The following CYP4F22 variants were observed in gnomAD, a reference collection of about 807,000 sequenced individuals.
CYP4F22 encodes ultra-long-chain fatty acid omega-hydroxylase.
CYP4F22 carries 37 observed loss-of-function variants against 60.4 expected under a neutral mutation model. That is an observed-to-expected ratio of 0.61 (90% CI 0.47 to 0.81). The LOEUF (loss-of-function observed/expected upper bound fraction) is 0.81. Ranked by LOEUF, CYP4F22 falls within the 30% of genes least tolerant of loss-of-function variation. The pLI is 0.00. For missense variants in CYP4F22, 655 were observed against 715.0 expected (o/e 0.92, Z 0.96); for synonymous variants, 258 against 280.5 (o/e 0.92, Z 0.80).
chr19:15,522,187 C>A (rs992824272), intron 1 of CYP4F22, among the ~76,000 whole-genome samples: 36 of 151,044 alleles, frequency 2.4e-4, no homozygotes, highest in African/African-American at 8.0e-4. Flanking sequence ...TATGGTTTTC[C>A]CCAGTGCACA....
At chr19:15,529,632 A>G in intron 3 of CYP4F22, 77 bp from the exon 4 acceptor site, 9 of 1,586,410 alleles carry the variant, frequency 5.7e-6, no homozygotes, top group Non-Finnish European at 7.7e-6. Flanking sequence ...TTGAGACTAC[A>G]GGAGGTGGCA....
intron 7 of CYP4F22, 84 bp from the exon 8 acceptor site, chr19:15,540,366 G>A: frequency 6.5e-7 from 1 of 1,535,354 alleles, no homozygotes; most frequent in Non-Finnish European, 9.0e-7. Context: ...ATTCAATGGG[G>A]ACAGGAGGCT....
chr19:15,548,201 G>C lies in CYP4F22; in HGVS notation c.1230G>C (p.Thr410=), dbSNP rs769211003. 2.5e-6 allele frequency: 4 copies of C among 1,614,104 alleles called. No individual in the cohort carries two copies. ...TCACTCTTGTCTCTCGCCAATGCAC[G>C]GAGGACATCAAGCTCCCAGATGGGC... is the stretch of plus-strand genomic sequence containing the variant. ...PPVTLVSRQC[T]EDIKLPDGRI... The change falls in exon 11 of 14, where the codon ACG becomes ACC. Residue 410 remains threonine, a synonymous_variant. Coordinates refer to ENST00000269703, the MANE Select transcript of CYP4F22 (RefSeq NM_173483.4).
chr19:15,527,475 A>G (rs543656152), intron 3 of CYP4F22, among the ~76,000 whole-genome samples: 1 of 152,168 alleles, frequency 6.6e-6, no homozygotes, highest in South Asian at 2.1e-4. Flanking sequence ...CTCATTTTTC[A>G]TGCCCCATCT....
intron 1 of CYP4F22, among the ~76,000 whole-genome samples, chr19:15,509,925 C>T (rs1466967420): frequency 8.5e-5 from 11 of 129,766 alleles, no homozygotes; most frequent in African/African-American, 3.2e-4. Flanking sequence ...TTCCTTCCTT[C>T]TTTCTTTCTT....
chr19:15,529,983 G>A, intron 4 of CYP4F22, 130 bp downstream of exon 4: 1 of 1,316,454 alleles, frequency 7.6e-7, no homozygotes, highest in South Asian at 1.2e-5. Flanking sequence ...TAAGAGTTTG[G>A]CAAAGCAAGC....
rs1327968999 is a variant in CYP4F22 at position 15,511,661 on chromosome 19, G to A, written c.-109+3078G>A. 2.6e-5 allele frequency among the ~76,000 whole-genome samples: 4 copies of A among 152,176 alleles called. No homozygotes were observed. In the East Asian group the frequency reaches 5.8e-4, roughly 22 times the overall value. ...CTTGACTACAGGCTTGGAGTGAAAA[G>A]GAGGGCTGGGATTTGGGGTGATGGG... On this transcript the variant is annotated intron_variant, in intron 1 of 13. Coordinates refer to ENST00000269703, the MANE Select transcript of CYP4F22 (RefSeq NM_173483.4).
At chr19:15,521,452 C>T (rs1274802742) in intron 1 of CYP4F22, among the ~76,000 whole-genome samples, 1 of 151,754 alleles carries the variant, frequency 6.6e-6, no homozygotes, top group African/African-American at 2.4e-5. Flanking sequence ...AGGCTGGCCT[C>T]GAACTCTTGA....
chr19:15,520,153 G>A (rs1043306298), intron 1 of CYP4F22, among the ~76,000 whole-genome samples: 12 of 151,994 alleles, frequency 7.9e-5, no homozygotes, highest in Admixed American at 7.2e-4. Context: ...GACCATCCTG[G>A]TTAACACGGT....
intron 1 of CYP4F22, among the ~76,000 whole-genome samples, chr19:15,517,438 G>A (rs1261833909): frequency 3.9e-5 from 6 of 152,160 alleles, no homozygotes; most frequent in South Asian, 2.1e-4. Context: ...GTAGGGGGAC[G>A]GGGAGGTGAA....
chr19:15,514,153 T>A (rs1432319511), intron 1 of CYP4F22, among the ~76,000 whole-genome samples: 1 of 152,196 alleles, frequency 6.6e-6, no homozygotes, highest in Non-Finnish European at 1.5e-5. Flanking sequence ...TTGTCCAATT[T>A]ATACAACTGT....
In CYP4F22 at chr19:15,544,292, T is replaced by A. The variant is rs761718139; in HGVS notation, c.1136+13T>A. 1.7e-5 allele frequency: 28 copies of A among 1,612,040 alleles called. 1 individual carries two copies. In the South Asian group the frequency reaches 3.1e-4, roughly 18 times the overall value. On this transcript the variant is annotated intron_variant, in intron 10 of 13. Coordinates refer to ENST00000269703, the MANE Select transcript of CYP4F22 (RefSeq NM_173483.4). ...AGGAGCTGGAGTGGTGAGTGTGGGG[T>A]CAGGGGAATGGAGGGGGCAGGTTGA...
intron 10 of CYP4F22, 100 bp from the exon 11 acceptor site, chr19:15,547,992 AGAGGGAGAGAGTGTGT>A (rs1255906489): frequency 0.035 from 17,407 of 497,824 alleles, 1,882 homozygotes; most frequent in African/African-American, 0.089. Context: ...AGAGAGAGAG[AGAGGGAGAGAGTGTGT>A]GTGTGTGTGT....
At chr19:15,538,302 A>C (rs1035726311) in intron 7 of CYP4F22, among the ~76,000 whole-genome samples, 2 of 152,172 alleles carry the variant, frequency 1.3e-5, no homozygotes, top group Non-Finnish European at 2.9e-5. Flanking sequence ...TAGGAAGAGT[A>C]TGTGGTCTTT....
At chr19:15,540,345 C>T (rs1226870860) in intron 7 of CYP4F22, 105 bp from the exon 8 acceptor site, 10 of 1,380,220 alleles carry the variant, frequency 7.2e-6, no homozygotes, top group African/African-American at 1.4e-5. Flanking sequence ...TAGGGCTTCT[C>T]TTTGTTATCT....
chr19:15,548,158 T>C lies in CYP4F22; in HGVS notation c.1187T>C (p.Leu396Pro). The change falls in exon 11 of 14, where the codon CTG (leucine) becomes CCG (proline). Residue 396 changes from leucine (L) to proline (P), a missense_variant. Leu to Pro is a moderately conservative substitution (Grantham distance 98). Transcript: ENST00000269703. Reference sequence around the variant, plus strand: ...ACAACTATGTGCATTAAGGAGAGCCTGCGCCAGTACCCACCTGTCACTCTT... The same window carrying C: ...ACAACTATGTGCATTAAGGAGAGCCCGCGCCAGTACCCACCTGTCACTCTT... ...PFTTMCIKESLRQYPPVTLVS... is the reference protein window; with the variant it reads ...PFTTMCIKESPRQYPPVTLVS... 6.2e-7 allele frequency: 1 copy of C among 1,613,972 alleles called. No homozygotes were observed.
rs549407044 is a variant in CYP4F22, at chr19:15,542,599, G to A, written c.940-1372G>A. ...ATACGTGTGTAGGGCGTGCAGGTTTGTTACGTAGGTAAACATGTGCCATGG... is the reference window on the plus strand; with the variant it reads ...ATACGTGTGTAGGGCGTGCAGGTTTATTACGTAGGTAAACATGTGCCATGG... On this transcript the variant is annotated intron_variant, in intron 8 of 13. Transcript: ENST00000269703. Among the ~76,000 whole-genome samples the A allele has an allele frequency of 1.4e-4, 21 of 152,240 alleles. 1 individual carries two copies. In the South Asian group the frequency reaches 4.4e-3, roughly 32 times the overall value.
At position 15,549,184 on chromosome 19, in the gene CYP4F22, A is replaced by G. The variant is rs773731320; in HGVS notation, c.1317A>G (p.Thr439=). 12 of 1,613,862 alleles carry G rather than the reference A, an allele frequency of 7.4e-6. No individual in the cohort carries two copies. In the Admixed American group the frequency reaches 1.8e-4, roughly 25 times the overall value. Residue 439 remains threonine (T), a synonymous_variant, in exon 12 of 14, where the codon ACA becomes ACG. Transcript: ENST00000269703. The part of the protein sequence containing the change: ...VSIYGTHHNP[T]VWPDSKVYNP... ...TCTATGGAACCCACCACAACCCCAC[A>G]GTGTGGCCTGACTCCAAGGTGAGTG...
intron 3 of CYP4F22, among the ~76,000 whole-genome samples, chr19:15,529,445 G>C (rs1411602775): frequency 6.6e-6 from 1 of 152,066 alleles, no homozygotes; most frequent in East Asian, 1.9e-4. Flanking sequence ...TTTAGCTATT[G>C]AACATCAGCC....
Sources: allele counts gnomAD v4.1 joint callset (sites outside exome capture counted in the v4.1 genomes callset), GRCh38; gene constraint gnomAD v4.1.1; transcripts MANE v1.5; gene names NCBI Gene and HGNC (gene_info 2026-07-23, HGNC 2026-07-21).